The following MYO10 variants were observed in gnomAD, a reference collection of about 807,000 sequenced individuals.
MYO10 encodes myosin X.
MYO10 carries 133 observed loss-of-function variants against 257.3 expected under a neutral mutation model. The ratio of observed to expected loss-of-function variants is 0.52; its 90% confidence interval spans 0.45 to 0.60. The LOEUF (loss-of-function observed/expected upper bound fraction) is 0.60, where lower values mean the gene tolerates loss of function less well. Among genes scored for constraint, MYO10 ranks in the 20% least tolerant of loss-of-function variants. MYO10 has a pLI of 0.00. For synonymous variants in MYO10, 1,104 were observed against 1,028.6 expected, an observed-to-expected ratio of 1.07 and a Z score of -1.40; for missense variants, 2,399 against 2,635.7, an observed-to-expected ratio of 0.91 and a Z score of 1.97.
intron 1 of MYO10, among the ~76,000 whole-genome samples, chr5:16,892,346 C>T (rs1286693740): frequency 6.6e-6 from 1 of 152,152 alleles, no homozygotes; most frequent in African/African-American, 2.4e-5. Context: ...CAAAATGCTT[C>T]AAGCCATGGG....
rs1736663316 is a variant in MYO10, at chr5:16,675,078, T to A, written c.4739A>T (p.Glu1580Val). Reference sequence around the variant, plus strand: ...TATTGGAATTGGGTCAGACATGGACTCCAGTTGCTGCAGGGAATTGAATAT... The same window carrying A: ...TATTGGAATTGGGTCAGACATGGACACCAGTTGCTGCAGGGAATTGAATAT... ...IKIFNSLQQL[E>V]SMSDPIPIIQ... The change falls in exon 35 of 41, where the codon GAG becomes GTG. Residue 1580 changes from glutamate to valine, a missense_variant. Glu to Val is a moderately radical substitution (Grantham distance 121, BLOSUM62 -2). Around this residue, in one of 3 missense-constraint regions of MYO10, gnomAD observed 1,820 missense variants for 1,939.4 expected, o/e 0.94. Transcript: ENST00000513610. The A allele has an allele frequency of 6.2e-7, 1 of 1,613,984 alleles. No homozygotes were observed. The highest frequency in any genetic ancestry group is 8.5e-7 in the Non-Finnish European group (1 of 1,179,886).
intron 19 of MYO10, among the ~76,000 whole-genome samples, chr5:16,715,423 A>C: frequency 1.3e-5 from 1 of 78,506 alleles, no homozygotes; most frequent in Admixed American, 1.9e-4. Context: ...TTTTTGAGAC[A>C]GGGTCTCGCT....
At chr5:16,708,023 A>G (rs563958956) in intron 21 of MYO10, among the ~76,000 whole-genome samples, 4 of 152,340 alleles carry the variant, frequency 2.6e-5, no homozygotes, top group African/African-American at 7.2e-5. Flanking sequence ...GTGGCAACAC[A>G]CCAAAACACC....
intron 2 of MYO10, among the ~76,000 whole-genome samples, chr5:16,844,014 G>A (rs1743558859): frequency 6.6e-6 from 1 of 152,104 alleles, no homozygotes; most frequent in African/African-American, 2.4e-5. Flanking sequence ...TGCAAGTGGG[G>A]GAAAACAGAC....
chr5:16,844,937 TACACACAC>T (rs758225533), intron 2 of MYO10, among the ~76,000 whole-genome samples: 4,686 of 145,080 alleles, frequency 0.032, 252 homozygotes, highest in African/African-American at 0.11. Flanking sequence ...TAATTCCAGA[TACACACAC>T]ACACACACGC....
In MYO10 at chr5:16,826,026, T is replaced by A. The variant is rs1742989092; in HGVS notation, c.121-7859A>T. On this transcript the variant is annotated intron_variant, in intron 2 of 40. Coordinates refer to ENST00000513610, the MANE Select transcript of MYO10 (RefSeq NM_012334.3). ...AGCCGGGCATGGTGGTGGGTGCCTG[T>A]AATCCCAGCTATTTGGGAGGCAGAG... is the stretch of plus-strand genomic sequence containing the variant. Among the ~76,000 whole-genome samples, 5 of 152,132 alleles carry A rather than the reference T, an allele frequency of 3.3e-5. No homozygotes were observed. The South Asian group carries it at 1.0e-3, about 32-fold the overall frequency.
chr5:16,710,754 G>T, intron 21 of MYO10, 154 bp downstream of exon 21: 1 of 645,914 alleles, frequency 1.5e-6, no homozygotes. Flanking sequence ...TAACTGTTTG[G>T]GAGACAAAAG....
At chr5:16,865,747 G>T (rs534049408) in intron 2 of MYO10, among the ~76,000 whole-genome samples, 1 of 151,780 alleles carries the variant, frequency 6.6e-6, no homozygotes, top group South Asian at 2.1e-4. Context: ...GGAGGTGGAG[G>T]TTGCAGTGAG....
In MYO10 at chr5:16,713,665, C is replaced by T. The variant is rs1462384233; in HGVS notation, c.1930-2420G>A. ...GGAGGGGGATCTATAGGCTGATTGT[C>T]GCCCCGGGCAACCCACCCTGCGATC... On this transcript the variant is annotated intron_variant, in intron 19 of 40. Transcript: ENST00000513610. 4.6e-5 allele frequency among the ~76,000 whole-genome samples: 7 copies of T among 152,098 alleles called. 1 individual carries two copies. The highest frequency in any genetic ancestry group is 1.0e-4 in the Non-Finnish European group (7 of 68,032).
At chr5:16,923,244 A>G (rs1343537475) in intron 1 of MYO10, among the ~76,000 whole-genome samples, 1 of 152,064 alleles carries the variant, frequency 6.6e-6, no homozygotes, top group East Asian at 1.9e-4. Flanking sequence ...TGACAATGGT[A>G]TATACATTGT....
At chr5:16,901,135 C>CT (rs1470197960) in intron 1 of MYO10, among the ~76,000 whole-genome samples, 13 of 152,142 alleles carry the variant, frequency 8.5e-5, no homozygotes, top group African/African-American at 3.1e-4. Flanking sequence ...CTCAGCCCCC[C>CT]TCTCCCGAGA....
At chr5:16,782,247 A>G (rs538784308) in intron 5 of MYO10, among the ~76,000 whole-genome samples, 3 of 152,266 alleles carry the variant, frequency 2.0e-5, no homozygotes, top group South Asian at 4.1e-4. Flanking sequence ...GTCTTTTCCA[A>G]GTGTAAGATG....
chr5:16,845,378 C>A (rs1022794009), intron 2 of MYO10, among the ~76,000 whole-genome samples: 1 of 152,116 alleles, frequency 6.6e-6, no homozygotes, highest in Non-Finnish European at 1.5e-5. Flanking sequence ...AAAAAAATGT[C>A]TTTTAGGCTG....
intron 2 of MYO10, among the ~76,000 whole-genome samples, chr5:16,871,291 G>A (rs927513340): frequency 2.6e-5 from 4 of 152,184 alleles, no homozygotes; most frequent in South Asian, 2.1e-4. Context: ...ACAAGACCAT[G>A]CTCTAAACTT....
intron 2 of MYO10, among the ~76,000 whole-genome samples, chr5:16,868,770 G>A (rs1005305690): frequency 6.6e-6 from 1 of 152,078 alleles, no homozygotes; most frequent in Non-Finnish European, 1.5e-5. Context: ...AGTGTCATTT[G>A]CTCATTTCTT....
At chr5:16,680,187 A>T in intron 32 of MYO10, 83 bp from the exon 33 acceptor site, 1 of 1,473,790 alleles carries the variant, frequency 6.8e-7, no homozygotes, top group Non-Finnish European at 9.1e-7. Flanking sequence ...CTCTGACCTC[A>T]GTCCCTTTAA....
intron 1 of MYO10, among the ~76,000 whole-genome samples, chr5:16,924,394 C>A (rs569132893): frequency 3.3e-5 from 5 of 152,116 alleles, no homozygotes; most frequent in Non-Finnish European, 5.9e-5. Flanking sequence ...ACAAAATCCC[C>A]GGGGTCATAA....
chr5:16,907,296 C>T (rs1265159976), intron 1 of MYO10, among the ~76,000 whole-genome samples: 1 of 152,034 alleles, frequency 6.6e-6, no homozygotes. Flanking sequence ...AGGGCACACG[C>T]TCTTGTAATT....
intron 19 of MYO10, among the ~76,000 whole-genome samples, chr5:16,753,339 T>A (rs1284156948): frequency 2.0e-5 from 3 of 152,010 alleles, no homozygotes; most frequent in African/African-American, 7.2e-5. Context: ...GCTAGTTTTT[T>A]AATATTTTTA....
Sources: gnomAD v4.1 joint callset for allele counts (sites outside exome capture counted in the v4.1 genomes callset) on GRCh38, gnomAD v4.1.1 for gene constraint, gnomAD v4.1.1 regional missense constraint, MANE v1.5 for transcripts, NCBI Gene and HGNC (gene_info 2026-07-23, HGNC 2026-07-21) for gene names.